The following SMAD4 variants were observed in gnomAD, a reference collection of about 807,000 sequenced individuals.
The protein encoded by SMAD4 is MAD homolog 4.
Under a neutral mutation model 63.2 loss-of-function variants are expected in SMAD4, and 7 were observed. That is an observed-to-expected ratio of 0.11 (90% CI 0.06 to 0.21). SMAD4 has a LOEUF of 0.21. Among genes scored for constraint, SMAD4 ranks in the 10% least tolerant of loss-of-function variants. The pLI is 1.00. For missense variants in SMAD4, 312 were observed against 693.8 expected (o/e 0.45, Z 6.18); for synonymous variants, 215 against 235.4 (o/e 0.91, Z 0.79).
chr18:51,059,326 C>T (rs1217223327), intron 7 of SMAD4, among the ~76,000 whole-genome samples: 3 of 152,142 alleles, frequency 2.0e-5, no homozygotes, highest in Non-Finnish European at 4.4e-5. Context: ...CAAGTTATTT[C>T]ACCTCATTAA....
At chr18:51,050,758 T>G (rs937544757) in intron 4 of SMAD4, among the ~76,000 whole-genome samples, 4 of 152,058 alleles carry the variant, frequency 2.6e-5, no homozygotes, top group African/African-American at 9.7e-5. Context: ...TTTGTAGAAT[T>G]TTAGAGGTGG....
Position 51,078,239 on chromosome 18 carries a change from C to T in SMAD4, c.1448-17C>T, listed in dbSNP as rs746584218. 1 of 1,607,578 alleles carries T rather than the reference C, an allele frequency of 6.2e-7. No individual in the cohort carries two copies. The highest frequency in any genetic ancestry group is 8.5e-7 in the Non-Finnish European group (1 of 1,174,908). On this transcript the variant is annotated splice_polypyrimidine_tract_variant and intron_variant, in intron 11 of 11. Transcript: ENST00000342988. ...ATCACCCTGTCCCTCTGATGTCTTC[C>T]AAATCTTTTCTGTTAGGTCTGTCAG...
At chr18:51,068,884 G>A (rs1910242264) in intron 10 of SMAD4, among the ~76,000 whole-genome samples, 1 of 152,128 alleles carries the variant, frequency 6.6e-6, no homozygotes, top group Non-Finnish European at 1.5e-5. Flanking sequence ...TCATGCCACT[G>A]TGCTCCAGAC....
chr18:51,040,451 C>G (rs1046947025), intron 1 of SMAD4, among the ~76,000 whole-genome samples: 2 of 151,876 alleles, frequency 1.3e-5, no homozygotes, highest in African/African-American at 2.4e-5. Context: ...AAGCACTTTT[C>G]TCAAATATTC....
chr18:51,059,663 G>A (rs1909951509), intron 7 of SMAD4, among the ~76,000 whole-genome samples: 1 of 151,770 alleles, frequency 6.6e-6, no homozygotes, highest in Non-Finnish European at 1.5e-5. Context: ...GCACTGAAAT[G>A]TTAGTTATTA....
At position 51,030,224 on chromosome 18, in the gene SMAD4, C is replaced by T. The variant is rs1192898277; in HGVS notation, c.-527C>T. ...GTCCCCGCGCGCGCATGCTCAGTGG[C>T]TTCTCGACAAGTTGGCAGCAACAAC... On this transcript the variant is annotated 5_prime_UTR_variant, in exon 1 of 12. Coordinates refer to ENST00000342988, the MANE Select transcript of SMAD4 (RefSeq NM_005359.6). The T allele has an allele frequency of 6.6e-6, 1 of 152,524 alleles. No individual in the cohort carries two copies. The highest frequency in any genetic ancestry group is 1.5e-5 in the Non-Finnish European group (1 of 68,050). The allele number at this position is 152,524 out of a possible 1,614,324, so 9.4% of individuals were successfully genotyped here. A position where few individuals can be genotyped will look rare whatever the true frequency, so the allele number is the denominator to read the frequency against.
chr18:51,053,265 A>C (rs970666866), intron 4 of SMAD4: 2 of 152,170 alleles, frequency 1.3e-5, no homozygotes, highest in African/African-American at 4.8e-5. Context: ...ATAACAACAA[A>C]AAAAACCTAA....
chr18:51,046,828 C>CT (rs754281184), intron 1 of SMAD4, 92 bp from the exon 2 acceptor site: 15 of 521,630 alleles, frequency 2.9e-5, no homozygotes, highest in Non-Finnish European at 4.7e-5. Context: ...GAATCTCTGA[C>CT]TTAACCAGAG....
chr18:51,078,802 G>T lies in SMAD4; in HGVS notation c.*335G>T. Reference sequence around the variant, plus strand: ...TAGAGCCTTTTATCTGCAGAACATCGATATGTATATCATTCTACAGAATAA... The same window carrying T: ...TAGAGCCTTTTATCTGCAGAACATCTATATGTATATCATTCTACAGAATAA... On this transcript the variant is annotated 3_prime_UTR_variant, in exon 12 of 12. Transcript: ENST00000342988. 1 of 326,448 alleles carries T rather than the reference G, an allele frequency of 3.1e-6. No individual in the cohort carries two copies. The highest frequency in any genetic ancestry group is 7.0e-5 in the South Asian group (1 of 14,382). 20.2% of individuals were successfully genotyped at this position (326,448 alleles called of 1,614,324 possible). A position where few individuals can be genotyped will look rare whatever the true frequency, so the allele number is the denominator to read the frequency against.
intron 10 of SMAD4, among the ~76,000 whole-genome samples, chr18:51,070,161 T>C (rs570287767): frequency 1.3e-5 from 2 of 152,264 alleles, no homozygotes; most frequent in Non-Finnish European, 2.9e-5. Context: ...GTGTTGAATA[T>C]ATACTGTGTG....
At position 51,057,977 on chromosome 18, in the gene SMAD4, T is replaced by G. The variant is rs113917043; in HGVS notation, c.668-148T>G. On this transcript the variant is annotated intron_variant, in intron 5 of 11. Transcript: ENST00000342988. Reference sequence around the variant, plus strand: ...TTGCCTTTATAGATGACTGTAGGTTTTTTACCTGATAGGCCATGGGTGAGT... The same window carrying G: ...TTGCCTTTATAGATGACTGTAGGTTGTTTACCTGATAGGCCATGGGTGAGT... 7.0e-5 allele frequency: 63 copies of G among 900,094 alleles called. No homozygotes were observed. The African/African-American group carries it at 7.5e-4, about 11-fold the overall frequency. 55.8% of individuals were successfully genotyped at this position (900,094 alleles called of 1,614,324 possible). A position where few individuals can be genotyped will look rare whatever the true frequency, so the allele number is the denominator to read the frequency against.
At position 51,083,215 on chromosome 18, in the gene SMAD4, C is replaced by A. The variant is rs375580807; in HGVS notation, c.*4748C>A. The A allele has an allele frequency of 8.8e-6, 2 of 227,244 alleles. No individual in the cohort carries two copies. Among genetic ancestry groups the A allele is most frequent in the East Asian group, 1.3e-4 (2 of 15,830 alleles). 14.1% of individuals were successfully genotyped at this position (227,244 alleles called of 1,614,324 possible). A position where few individuals can be genotyped will look rare whatever the true frequency, so the allele number is the denominator to read the frequency against. On this transcript the variant is annotated 3_prime_UTR_variant, in exon 12 of 12. Transcript: ENST00000342988. ...CCGTTGTCTGGAGGACACCAGCAAA[C>A]AACACACAACAAAGCAAAACAAACC...
At chr18:51,031,107 T>A (rs1397372456) in intron 1 of SMAD4, among the ~76,000 whole-genome samples, 2 of 152,244 alleles carry the variant, frequency 1.3e-5, no homozygotes, top group African/African-American at 4.8e-5. Flanking sequence ...CTGGCTTTGA[T>A]ATGTTTACTT....
At chr18:51,042,597 C>T (rs936435033) in intron 1 of SMAD4, among the ~76,000 whole-genome samples, 4 of 124 alleles carry the variant, frequency 0.032, no homozygotes, top group African/African-American at 0.08. Flanking sequence ...GTCCTGGCAA[C>T]CGTGCCTTTG....
chr18:51,042,707 G>GT lies in SMAD4; in HGVS notation c.-127-4207dup, dbSNP rs574035860. On this transcript the variant is annotated intron_variant, in intron 1 of 11. Coordinates refer to ENST00000342988, the MANE Select transcript of SMAD4 (RefSeq NM_005359.6). ...CACTGTACCCGGACTTGGTTGTTTT[G>GT]TTTTTTATTTTTGAGACCAAATCTT... 1.6e-4 allele frequency among the ~76,000 whole-genome samples: 24 copies of GT among 151,604 alleles called. No individual in the cohort carries two copies. The South Asian group carries it at 4.8e-3, about 30-fold the overall frequency.
Position 51,069,330 on chromosome 18 carries a change from G to A in SMAD4, c.1308+2143G>A, listed in dbSNP as rs2144458022. Among the ~76,000 whole-genome samples, 2 of 152,226 alleles carry A rather than the reference G, an allele frequency of 1.3e-5. 1 individual carries two copies. Among genetic ancestry groups the A allele is most frequent in the South Asian group, 4.1e-4 (2 of 4,822 alleles). ...GGGTTTCACCGTGTTGGCCAGGCTG[G>A]TCTGGAACTCCTGACCTCAAGTGAT... On this transcript the variant is annotated intron_variant, in intron 10 of 11. Transcript: ENST00000342988.
At chr18:51,046,168 CATTTTGT>C (rs1179824011) in intron 1 of SMAD4, among the ~76,000 whole-genome samples, 1 of 152,114 alleles carries the variant, frequency 6.6e-6, no homozygotes, top group Non-Finnish European at 1.5e-5. Flanking sequence ...CTCTGTTTAA[CATTTTGT>C]ATTAATACCA....
chr18:51,048,505 A>C (rs1021022584), intron 2 of SMAD4, among the ~76,000 whole-genome samples, 181 bp from the exon 3 acceptor site: 4 of 152,218 alleles, frequency 2.6e-5, no homozygotes, highest in Non-Finnish European at 5.9e-5. Context: ...AATTATACCA[A>C]GGTTTAAATT....
chr18:51,042,808 C>T (rs559572934), intron 1 of SMAD4, among the ~76,000 whole-genome samples: 1 of 152,280 alleles, frequency 6.6e-6, no homozygotes, highest in South Asian at 2.1e-4. Context: ...CTCAAGCAGT[C>T]CTCCTGCCCC....
Sources: gnomAD v4.1 joint callset for allele counts (sites outside exome capture counted in the v4.1 genomes callset) on GRCh38, gnomAD v4.1.1 for gene constraint, MANE v1.5 for transcripts, NCBI Gene and HGNC (gene_info 2026-07-23, HGNC 2026-07-21) for gene names.